The following FBXL19 variants were observed in gnomAD, a reference collection of about 807,000 sequenced individuals.
FBXL19 encodes F-box/LRR-repeat protein 19.
Under a neutral mutation model 71.2 loss-of-function variants are expected in FBXL19, and 16 were observed. That is an observed-to-expected ratio of 0.22 (90% CI 0.15 to 0.34). The LOEUF (loss-of-function observed/expected upper bound fraction) is 0.34. FBXL19 is among the 10% of genes least tolerant of loss of function. The pLI is 1.00. For missense variants in FBXL19, 658 were observed against 968.2 expected (o/e 0.68, Z 4.25); for synonymous variants, 447 against 409.4 (o/e 1.09, Z -1.11).
chr16:30,923,029 A>G, upstream of FBXL19: 1 of 456,874 alleles, frequency 2.2e-6, no homozygotes, highest in Non-Finnish European at 4.4e-6. Flanking sequence ...ATCGACTACT[A>G]GTCAGGTGTA....
At chr16:30,923,522 G>GGGAGGA (rs530252545), upstream of FBXL19, among the ~76,000 whole-genome samples, 11 of 145,072 alleles carry the variant, frequency 7.6e-5, no homozygotes, top group African/African-American at 2.1e-4. Context: ...AGTAAAGAGG[G>GGGAGGA]GGAGGAGGAG....
intron 7 of FBXL19, among the ~76,000 whole-genome samples, chr16:30,939,697 C>A (rs2143371779): frequency 6.6e-6 from 1 of 152,002 alleles, no homozygotes; most frequent in East Asian, 1.9e-4. Flanking sequence ...GGATTACACG[C>A]ATGAGCCACC....
chr16:30,924,725 C>A, intron 1 of FBXL19: 1 of 1,499,826 alleles, frequency 6.7e-7, no homozygotes, highest in Admixed American at 2.7e-5. Context: ...GGCCCCTTAG[C>A]CCCATGGATG....
chr16:30,929,128 C>T (rs1005781024), intron 6 of FBXL19, among the ~76,000 whole-genome samples: 2 of 152,174 alleles, frequency 1.3e-5, no homozygotes, highest in African/African-American at 4.8e-5. Flanking sequence ...GTCCAAGTCA[C>T]ACAGTAAAGC....
At chr16:30,936,889 C>T (rs1005019667) in intron 7 of FBXL19, among the ~76,000 whole-genome samples, 3 of 151,524 alleles carry the variant, frequency 2.0e-5, no homozygotes, top group Admixed American at 6.6e-5. Context: ...ACTGCAGGCG[C>T]GTGCCACCAC....
At position 30,930,502 on chromosome 16, in the gene FBXL19, G is replaced by A. The variant is rs1397896243; in HGVS notation, c.1219G>A (p.Ala407Thr). Residue 407 changes from alanine to threonine, a missense_variant, in exon 7 of 11, where the codon GCC becomes ACC. By Grantham distance (58) the Ala-to-Thr change is moderately conservative (BLOSUM62 0). Around this residue, in one of 8 missense-constraint regions of FBXL19, gnomAD observed 447 missense variants for 515.4 expected, o/e 0.87. Coordinates refer to ENST00000338343, the MANE Select transcript of FBXL19 (RefSeq NM_001382779.1). The surrounding 1 kb of genome is among the most constrained non-coding windows in gnomAD (Gnocchi z 8.5). ...TGGATCCGACCACCCCCTGCCCCGG[G>A]CCGCCTGGCTTCGCGTCTTCCAGCA... is the stretch of plus-strand genomic sequence containing the variant. ...AAGSDHPLPR[A>T]AWLRVFQHLG... 11 of 1,530,498 alleles carry A rather than the reference G, an allele frequency of 7.2e-6. No individual in the cohort carries two copies. Among genetic ancestry groups the A allele is most frequent in the Non-Finnish European group, 9.6e-6 (11 of 1,144,570 alleles). The allele number at this position is 1,530,498 out of a possible 1,614,324, so 94.8% of individuals were successfully genotyped here.
chr16:30,942,149 C>T lies in FBXL19; in HGVS notation c.1335C>T (p.Asp445=), dbSNP rs1485823634. 11 of 1,599,846 alleles carry T rather than the reference C, an allele frequency of 6.9e-6. No individual in the cohort carries two copies. Among genetic ancestry groups the T allele is most frequent in the South Asian group, 1.1e-5 (1 of 88,850 alleles). The change falls in exon 8 of 11, where the codon GAC becomes GAT. Residue 445 remains aspartate (D), a synonymous_variant. Coordinates refer to ENST00000338343, the MANE Select transcript of FBXL19 (RefSeq NM_001382779.1). This position sits in a 1 kb window ranked among gnomAD's most constrained non-coding sequence, Gnocchi z 5.7. ...ACAAGCGTCTGTGGCCTCGAATGGA[C>T]CTGAGCCGGCGGAAGTCACTGACCC... ...CYDKRLWPRM[D]LSRRKSLTPP...
In FBXL19 at chr16:30,930,946, G is replaced by A. The variant is rs1440514454; in HGVS notation, c.1301+362G>A. ...CGACTATATTGAGTGTCTAGTGTGTGTCAGCCATAGCACTGAGTGCTGTAC... is the reference window on the plus strand; with the variant it reads ...CGACTATATTGAGTGTCTAGTGTGTATCAGCCATAGCACTGAGTGCTGTAC... On this transcript the variant is annotated intron_variant, in intron 7 of 10. Transcript: ENST00000338343. The surrounding 1 kb of genome is among the most constrained non-coding windows in gnomAD (Gnocchi z 8.5). Among the ~76,000 whole-genome samples the A allele has an allele frequency of 6.6e-6, 1 of 152,156 alleles. No individual in the cohort carries two copies. The highest frequency in any genetic ancestry group is 1.5e-5 in the Non-Finnish European group (1 of 68,038).
intron 7 of FBXL19, among the ~76,000 whole-genome samples, chr16:30,938,353 TAAA>T (rs1407311407): frequency 6.6e-6 from 1 of 151,796 alleles, no homozygotes; most frequent in Non-Finnish European, 1.5e-5. Flanking sequence ...CCATCTCTAT[TAAA>T]AAAGAAAAAA....
intron 6 of FBXL19, among the ~76,000 whole-genome samples, chr16:30,929,701 T>C (rs571486059): frequency 6.6e-6 from 1 of 152,276 alleles, no homozygotes; most frequent in South Asian, 2.1e-4. Flanking sequence ...GACTACAGGC[T>C]TGTGCCACCA....
intron 7 of FBXL19, among the ~76,000 whole-genome samples, chr16:30,932,831 AATG>A (rs2055690056): frequency 6.6e-6 from 1 of 151,404 alleles, no homozygotes; most frequent in Non-Finnish European, 1.5e-5. Context: ...AGAGATTTGC[AATG>A]ATAACTTTTT....
intron 1 of FBXL19, 67 bp downstream of exon 1, chr16:30,924,526 C>T (rs1015674765): frequency 1.7e-5 from 18 of 1,060,620 alleles, no homozygotes; most frequent in Admixed American, 4.2e-5. Context: ...ATCCTCAGCC[C>T]GGCCTCTCTC....
intron 9 of FBXL19, among the ~76,000 whole-genome samples, chr16:30,945,849 GA>G (rs11464927): frequency 0.016 from 1,352 of 86,768 alleles, 7 homozygotes; most frequent in East Asian, 0.089. Context: ...CCGTCTCGGG[GA>G]AAAAAAAAAA....
chr16:30,926,276 T>C (rs886675203), intron 2 of FBXL19, among the ~76,000 whole-genome samples: 1 of 152,200 alleles, frequency 6.6e-6, no homozygotes, highest in African/African-American at 2.4e-5. Flanking sequence ...CCAACAGGTC[T>C]TGCCCTTCTC....
intron 2 of FBXL19, 145 bp downstream of exon 2, chr16:30,926,076 T>C: frequency 7.6e-7 from 1 of 1,320,222 alleles, no homozygotes; most frequent in South Asian, 2.0e-5. Flanking sequence ...TTTGTGTCAG[T>C]ATCCATTTTT....
intron 7 of FBXL19, among the ~76,000 whole-genome samples, chr16:30,932,316 C>T (rs1215345383): frequency 1.3e-5 from 2 of 152,192 alleles, no homozygotes; most frequent in Admixed American, 6.5e-5. Flanking sequence ...TAAGCTGCAA[C>T]ATAGAAGCAG....
In FBXL19 at chr16:30,930,026, A is replaced by G; in HGVS notation, c.790-47A>G. ...GACTCCTCGGGGTAGGGGGGTGGGAAAATGTATCCCAGGCCCTAGAACAGC... is the reference window on the plus strand; with the variant it reads ...GACTCCTCGGGGTAGGGGGGTGGGAGAATGTATCCCAGGCCCTAGAACAGC... On this transcript the variant is annotated intron_variant, in intron 6 of 10. Coordinates refer to ENST00000338343, the MANE Select transcript of FBXL19 (RefSeq NM_001382779.1). The surrounding 1 kb of genome is among the most constrained non-coding windows in gnomAD (Gnocchi z 8.5). 1 of 1,570,782 alleles carries G rather than the reference A, an allele frequency of 6.4e-7. No individual in the cohort carries two copies. Among genetic ancestry groups the G allele is most frequent in the East Asian group, 2.3e-5 (1 of 44,368 alleles).
chr16:30,934,841 C>T (rs1023039337), intron 7 of FBXL19, among the ~76,000 whole-genome samples: 4 of 152,106 alleles, frequency 2.6e-5, no homozygotes, highest in South Asian at 2.1e-4. Context: ...GTGCTCAGGA[C>T]GTGTGGGTCT....
At position 30,930,195 on chromosome 16, in the gene FBXL19, C is replaced by G; in HGVS notation, c.912C>G (p.Ser304=). The change falls in exon 7 of 11, where the codon TCC becomes TCG. Residue 304 remains serine, a synonymous_variant. Transcript: ENST00000338343. The surrounding 1 kb of genome is among the most constrained non-coding windows in gnomAD (Gnocchi z 8.5). ...TGCTGGAACGGGTGCCTGACACCTC[C>G]TCTTCCTCCTCGGACTCAGACTCCG... The part of the protein sequence containing the change: ...CQLLERVPDT[S]SSSSDSDSDS... 6.2e-7 allele frequency: 1 copy of G among 1,613,270 alleles called. No individual in the cohort carries two copies. The highest frequency in any genetic ancestry group is 8.5e-7 in the Non-Finnish European group (1 of 1,179,888).
Sources: gnomAD v4.1 joint callset for allele counts (sites outside exome capture counted in the v4.1 genomes callset) on GRCh38, gnomAD v4.1.1 for gene constraint, gnomAD v4.1.1 regional missense constraint, Gnocchi (gnomAD v3.1) non-coding constraint, MANE v1.5 for transcripts, NCBI Gene and HGNC (gene_info 2026-07-23, HGNC 2026-07-21) for gene names.